ADAMTSL1: variants seen among roughly 807,000 people sequenced by gnomAD.
ADAMTSL1 encodes the protein ADAMTS-like protein 1.
ADAMTSL1 carries 126 observed loss-of-function variants against 201.8 expected under a neutral mutation model. That is an observed-to-expected ratio of 0.62 (90% CI 0.54 to 0.72). ADAMTSL1 has a LOEUF of 0.72. Among genes scored for constraint, ADAMTSL1 ranks in the 30% least tolerant of loss-of-function variants. ADAMTSL1 has a pLI of 0.00. For synonymous variants in ADAMTSL1, 1,121 were observed against 903.4 expected (o/e 1.24, Z -4.32); for missense variants, 2,679 against 2,277.8 (o/e 1.18, Z -3.59).
intron 1 of ADAMTSL1, among the ~76,000 whole-genome samples, chr9:18,022,153 C>T (rs1820503304): frequency 6.6e-6 from 1 of 152,066 alleles, no homozygotes; most frequent in Non-Finnish European, 1.5e-5. Context: ...CCTTGAAGAA[C>T]TAGGTTTGGT....
chr9:18,251,039 G>T (rs1287865422), intron 2 of ADAMTSL1, among the ~76,000 whole-genome samples: 2 of 151,920 alleles, frequency 1.3e-5, no homozygotes, highest in African/African-American at 4.8e-5. Context: ...ACAAAAAACA[G>T]AAACAGCACA....
chr9:18,665,062 A>G (rs543171012), intron 9 of ADAMTSL1, among the ~76,000 whole-genome samples: 12 of 152,206 alleles, frequency 7.9e-5, no homozygotes, highest in African/African-American at 2.6e-4. Context: ...TGCCCTCATC[A>G]TTAAGTTCCT....
At chr9:18,662,573 C>G (rs2133032969) in intron 9 of ADAMTSL1, among the ~76,000 whole-genome samples, 1 of 152,250 alleles carries the variant, frequency 6.6e-6, no homozygotes, top group Non-Finnish European at 1.5e-5. Flanking sequence ...GTTCTGCTGC[C>G]TTTGAACATA....
chr9:18,097,077 C>T (rs1287791551), intron 1 of ADAMTSL1, among the ~76,000 whole-genome samples: 1 of 152,178 alleles, frequency 6.6e-6, no homozygotes, highest in Non-Finnish European at 1.5e-5. Flanking sequence ...CCTTGTCCAC[C>T]TTCCTAGTCA....
chr9:18,475,233 C>A (rs984881885), intron 1 of ADAMTSL1, among the ~76,000 whole-genome samples: 1 of 152,258 alleles, frequency 6.6e-6, no homozygotes, highest in African/African-American at 2.4e-5. Flanking sequence ...GCCAGAACTT[C>A]CTCAGAAGGT....
At chr9:18,004,538 T>G (rs1819740413) in intron 1 of ADAMTSL1, among the ~76,000 whole-genome samples, 1 of 152,056 alleles carries the variant, frequency 6.6e-6, no homozygotes, top group Non-Finnish European at 1.5e-5. Context: ...GTAAATTGCA[T>G]GTGTGTGTCA....
At chr9:17,955,862 C>T (rs1827909753) in intron 1 of ADAMTSL1, among the ~76,000 whole-genome samples, 1 of 152,040 alleles carries the variant, frequency 6.6e-6, no homozygotes, top group South Asian at 2.1e-4. Context: ...TCAGGTATCC[C>T]CTGAGGTTCT....
At chr9:18,459,305 A>C (rs1323227714) in intron 2 of ADAMTSL1, among the ~76,000 whole-genome samples, 1 of 152,158 alleles carries the variant, frequency 6.6e-6, no homozygotes, top group Non-Finnish European at 1.5e-5. Flanking sequence ...TAAACAGTGT[A>C]TCTTTTGTAT....
chr9:17,952,472 T>C (rs1827763958), intron 1 of ADAMTSL1, among the ~76,000 whole-genome samples: 1 of 152,196 alleles, frequency 6.6e-6, no homozygotes, highest in Admixed American at 6.5e-5. Context: ...ACTTGCCTTC[T>C]AGTTTATGAT....
chr9:18,660,458 A>C (rs565698497), intron 8 of ADAMTSL1, among the ~76,000 whole-genome samples: 36 of 152,328 alleles, frequency 2.4e-4, no homozygotes, highest in African/African-American at 7.5e-4. Context: ...TTCATTTTAT[A>C]CACGCTATAA....
chr9:18,353,918 A>C (rs1836089565), intron 2 of ADAMTSL1, among the ~76,000 whole-genome samples: 1 of 152,034 alleles, frequency 6.6e-6, no homozygotes, highest in South Asian at 2.1e-4. Flanking sequence ...AAGAAAAATT[A>C]AAAGTCGTAA....
chr9:18,700,604 C>T (rs1048633895), intron 13 of ADAMTSL1, among the ~76,000 whole-genome samples: 2 of 151,896 alleles, frequency 1.3e-5, no homozygotes, highest in African/African-American at 4.8e-5. Flanking sequence ...ATCAACTTTT[C>T]AAAGTTTAAA....
rs374691752 is a variant in ADAMTSL1, at chr9:18,684,768, A to G, written c.1542A>G (p.Leu514=). The change falls in exon 13 of 29, where the codon CTA becomes CTG. Residue 514 remains leucine, a synonymous_variant. Coordinates refer to ENST00000380548, the MANE Select transcript of ADAMTSL1 (RefSeq NM_001040272.6). ...CATGGTTCAAACAAGCTCAAGAGCT[A>G]GAAGAAGGAGCTGCTGTGTCAGAGG... ...KLPWFKQAQE[L]EEGAAVSEEP... is the part of the protein sequence containing the mutation. The G allele has an allele frequency of 1.2e-6, 2 of 1,612,698 alleles. No individual in the cohort carries two copies. Among genetic ancestry groups the G allele is most frequent in the Admixed American group, 1.7e-5 (1 of 59,900 alleles).
chr9:18,390,740 C>G (rs1445804539), intron 2 of ADAMTSL1, among the ~76,000 whole-genome samples: 1 of 151,808 alleles, frequency 6.6e-6, no homozygotes. Context: ...AACGTTTTCT[C>G]GAGACACAAC....
chr9:18,641,091 C>T (rs778836171), intron 7 of ADAMTSL1, among the ~76,000 whole-genome samples: 89 of 152,070 alleles, frequency 5.9e-4, no homozygotes, highest in Non-Finnish European at 9.9e-4. Flanking sequence ...CCGGGCAGGT[C>T]CCCCAGCACC....
chr9:18,889,505 G>GT, intron 24 of ADAMTSL1, 63 bp from the exon 25 acceptor site: 1 of 1,556,584 alleles, frequency 6.4e-7, no homozygotes. Context: ...CTGCTCAGAA[G>GT]GAATTCAGAG....
chr9:18,786,917 G>A (rs773711641), intron 19 of ADAMTSL1, among the ~76,000 whole-genome samples: 1 of 152,286 alleles, frequency 6.6e-6, no homozygotes, highest in South Asian at 2.1e-4. Context: ...AATAGGAGAT[G>A]AATTAAGGCA....
At chr9:18,476,262 A>G (rs1821446098) in intron 1 of ADAMTSL1, among the ~76,000 whole-genome samples, 1 of 152,148 alleles carries the variant, frequency 6.6e-6, no homozygotes, top group Admixed American at 6.6e-5. Flanking sequence ...AATCCTTACA[A>G]TAATCATACA....
At chr9:18,825,954 G>GC (rs935452267) in intron 21 of ADAMTSL1, among the ~76,000 whole-genome samples, 3 of 152,156 alleles carry the variant, frequency 2.0e-5, no homozygotes, top group Non-Finnish European at 4.4e-5. Flanking sequence ...ACCTTGGCAA[G>GC]CCCCCCCTGC....
Sources: gnomAD v4.1 joint callset for allele counts (sites outside exome capture counted in the v4.1 genomes callset) on GRCh38, gnomAD v4.1.1 for gene constraint, MANE v1.5 for transcripts, NCBI Gene and HGNC (gene_info 2026-07-23, HGNC 2026-07-21) for gene names.